ESRP1: variants seen among roughly 807,000 people sequenced by gnomAD.
The protein encoded by ESRP1 is epithelial splicing regulatory protein 1, also known as RNA-binding motif protein 35A.
A neutral mutation model predicts 81.7 loss-of-function variants in ESRP1; 33 were observed. The ratio of observed to expected loss-of-function variants is 0.40; its 90% CI spans 0.31 to 0.54. ESRP1 has a LOEUF of 0.54. ESRP1 is among the 20% of genes least tolerant of loss of function. The pLI is 0.41. For synonymous variants in ESRP1, 320 were observed against 303.3 expected, an observed-to-expected ratio of 1.06 and a Z score of -0.57; for missense variants, 672 against 833.1, an observed-to-expected ratio of 0.81 and a Z score of 2.38.
chr8:94,661,047 G>GT (rs1449987803), intron 4 of ESRP1, among the ~76,000 whole-genome samples: 2 of 152,036 alleles, frequency 1.3e-5, no homozygotes, highest in African/African-American at 4.8e-5. Context: ...TTGTTCTGTT[G>GT]TTTTTTATTT....
At chr8:94,663,723 G>A (rs58517766) in intron 6 of ESRP1, among the ~76,000 whole-genome samples, 2 of 152,140 alleles carry the variant, frequency 1.3e-5, no homozygotes, top group Non-Finnish European at 2.9e-5. Flanking sequence ...CTTTGAGGCC[G>A]ATTAGTTGTG....
At chr8:94,651,806 T>A (rs7006343) in intron 4 of ESRP1, among the ~76,000 whole-genome samples, 101,700 of 151,506 alleles carry the variant, frequency 0.67, 34,519 homozygotes, top group East Asian at 0.96. Flanking sequence ...TAGTAGTATT[T>A]AACCATATTA....
At position 94,668,001 on chromosome 8, in the gene ESRP1, C is replaced by T. The variant is rs1549466; in HGVS notation, c.984C>T (p.Val328=). 598,728 of 1,611,070 alleles carry T rather than the reference C, an allele frequency of 0.37. 116,692 individuals carry two copies. Among genetic ancestry groups the T allele is most frequent in the East Asian group, 0.56 (25,136 of 44,810 alleles). The change falls in exon 10 of 16, where the codon GTC becomes GTT. Residue 328 remains valine (V), a synonymous_variant. Coordinates refer to ENST00000433389, the MANE Select transcript of ESRP1 (RefSeq NM_017697.4). The stretch of plus-strand genomic sequence containing the variant: ...TCTCCAAGGAAAATCAAGTCATTGT[C>T]CGCATGCGGGGGCTCCCTTTCACGG... ...QFLSKENQVI[V]RMRGLPFTAT... is the part of the protein sequence containing the mutation.
chr8:94,695,340 TTTTC>T (rs1362705892), intron 14 of ESRP1, among the ~76,000 whole-genome samples: 1 of 122,140 alleles, frequency 8.2e-6, no homozygotes, highest in African/African-American at 3.1e-5. Context: ...TAAAATTTCT[TTTTC>T]TTTCTTTTTT....
At chr8:94,686,718 A>T (rs1158935285) in intron 13 of ESRP1, among the ~76,000 whole-genome samples, 1 of 152,210 alleles carries the variant, frequency 6.6e-6, no homozygotes, top group Non-Finnish European at 1.5e-5. Flanking sequence ...TGTATATATG[A>T]TATGTTAATA....
intron 13 of ESRP1, 110 bp downstream of exon 13, chr8:94,678,481 G>A: frequency 8.0e-7 from 1 of 1,249,248 alleles, no homozygotes; most frequent in Non-Finnish European, 1.1e-6. Flanking sequence ...GGTTAGCGTG[G>A]CAGGCCACAG....
At chr8:94,685,768 G>T (rs987016289) in intron 13 of ESRP1, among the ~76,000 whole-genome samples, 1 of 150,200 alleles carries the variant, frequency 6.7e-6, no homozygotes, top group African/African-American at 2.4e-5. Context: ...TCCAGCCGGG[G>T]TGACAGGGAG....
At chr8:94,696,154 C>T (rs902629243) in intron 14 of ESRP1, among the ~76,000 whole-genome samples, 5 of 152,188 alleles carry the variant, frequency 3.3e-5, no homozygotes, top group African/African-American at 1.2e-4. Context: ...TACAAACTAC[C>T]ATGAAAATAC....
At chr8:94,653,158 A>C (rs1818229812) in intron 4 of ESRP1, among the ~76,000 whole-genome samples, 1 of 152,130 alleles carries the variant, frequency 6.6e-6, no homozygotes, top group African/African-American at 2.4e-5. Context: ...AAAATCACTA[A>C]ACTGCTCATG....
In ESRP1 at chr8:94,706,832, TATATA is replaced by T. The variant is rs1260110785; in HGVS notation, c.*944_*948del. On this transcript the variant is annotated 3_prime_UTR_variant, in exon 16 of 16. Transcript: ENST00000433389. ...CACTAACTGAACAGAAGTGAATGCT[TATATA>T]TATTATGATAGCCTTAAACCTTTTT... is the stretch of plus-strand genomic sequence containing the variant. 1.3e-5 allele frequency: 2 copies of T among 152,212 alleles called. No individual in the cohort carries two copies. The highest frequency in any genetic ancestry group is 2.9e-5 in the Non-Finnish European group (2 of 68,032). 9.4% of individuals were successfully genotyped at this position (152,212 alleles called of 1,614,324 possible).
chr8:94,698,145 C>T (rs1299939005), intron 15 of ESRP1, among the ~76,000 whole-genome samples: 1 of 152,198 alleles, frequency 6.6e-6, no homozygotes, highest in Non-Finnish European at 1.5e-5. Flanking sequence ...TTTAAAGTGT[C>T]CAGTAGCATT....
chr8:94,671,748 A>ATAATCTATTAGAAATATCTAATATTAGG (rs1819342062), intron 11 of ESRP1, 77 bp downstream of exon 11: 2 of 941,982 alleles, frequency 2.1e-6, no homozygotes, highest in Non-Finnish European at 3.1e-6. Flanking sequence ...TAGATATTAG[A>ATAATCTATTAGAAATATCTAATATTAGG]TAATCTATTA....
intron 15 of ESRP1, among the ~76,000 whole-genome samples, chr8:94,704,643 T>C (rs1809983367): frequency 6.6e-6 from 1 of 151,696 alleles, no homozygotes; most frequent in Non-Finnish European, 1.5e-5. Flanking sequence ...GTGCCTGTAG[T>C]CCCAGCTGTT....
chr8:94,652,602 A>G (rs1050449541), intron 4 of ESRP1, among the ~76,000 whole-genome samples: 2 of 151,704 alleles, frequency 1.3e-5, no homozygotes, highest in African/African-American at 4.8e-5. Context: ...TTTTTTCCCC[A>G]CTAATGTTGG....
At chr8:94,662,954 T>A (rs968460715) in intron 6 of ESRP1, among the ~76,000 whole-genome samples, 1 of 152,218 alleles carries the variant, frequency 6.6e-6, no homozygotes, top group Non-Finnish European at 1.5e-5. Context: ...TTGTTATATT[T>A]GAGAAACTTT....
At chr8:94,682,932 A>ATATATATATAT (rs1808974140) in intron 13 of ESRP1, among the ~76,000 whole-genome samples, 3 of 18,092 alleles carry the variant, frequency 1.7e-4, no homozygotes, top group African/African-American at 6.9e-4. Flanking sequence ...ATATATATAT[A>ATATATATATAT]TTTTTTTTTT....
intron 13 of ESRP1, among the ~76,000 whole-genome samples, chr8:94,684,492 GT>G (rs1809058306): frequency 6.6e-6 from 1 of 152,114 alleles, no homozygotes; most frequent in African/African-American, 2.4e-5. Flanking sequence ...CTGACTTTAG[GT>G]TTTACACTGG....
At chr8:94,689,375 A>C (rs776307420) in intron 13 of ESRP1, among the ~76,000 whole-genome samples, 9 of 151,746 alleles carry the variant, frequency 5.9e-5, no homozygotes, top group Non-Finnish European at 1.2e-4. Context: ...GCACTTTTAA[A>C]TGTTTCTCTA....
intron 9 of ESRP1, among the ~76,000 whole-genome samples, chr8:94,667,615 A>G (rs1819096544): frequency 6.6e-6 from 1 of 152,148 alleles, no homozygotes. Flanking sequence ...GAACTTGACT[A>G]AGATTATGCC....
Sources: gnomAD v4.1 joint callset for allele counts (sites outside exome capture counted in the v4.1 genomes callset) on GRCh38, gnomAD v4.1.1 for gene constraint, MANE v1.5 for transcripts, NCBI Gene and HGNC (gene_info 2026-07-23, HGNC 2026-07-21) for gene names.